RADIL: variants seen among roughly 807,000 people sequenced by gnomAD.
RADIL encodes Rap associating with DIL domain.
A neutral mutation model predicts 97.6 loss-of-function variants in RADIL; 99 were observed. The observed-to-expected ratio is 1.01, with a 90% CI of 0.86 to 1.20. The LOEUF is 1.20. Ranked by LOEUF, RADIL falls within the 50% of genes most tolerant of loss-of-function variation. The probability of loss-of-function intolerance (pLI) is 0.00; values close to 1 mark genes in which losing one functional copy is unlikely to be tolerated. For missense variants in RADIL, 1,765 were observed against 1,498.9 expected, an observed-to-expected ratio of 1.18 and a Z score of -2.93; for synonymous variants, 803 against 691.8, an observed-to-expected ratio of 1.16 and a Z score of -2.52.
chr7:4,843,610 C>T (rs1783498919), intron 2 of RADIL, among the ~76,000 whole-genome samples: 1 of 152,140 alleles, frequency 6.6e-6, no homozygotes, highest in African/African-American at 2.4e-5. Flanking sequence ...ATTTTATTCT[C>T]ATTATAGAAA....
chr7:4,852,396 A>G (rs7341401), intron 2 of RADIL, among the ~76,000 whole-genome samples: 4,689 of 152,222 alleles, frequency 0.031, 275 homozygotes, highest in African/African-American at 0.11. Context: ...AGAGTTCAAA[A>G]ATGCTTTGGG....
In RADIL at chr7:4,824,649, G is replaced by A. The variant is rs148224480; in HGVS notation, c.1455-2095C>T. ...ACCCGGGGAGGGAAGAAACTGGACT[G>A]AGACCATCTCTCCTGTTTTTGGCGG... On this transcript the variant is annotated intron_variant, in intron 5 of 14. Transcript: ENST00000399583. The surrounding 1 kb of genome is among the most constrained non-coding windows in gnomAD (Gnocchi z 6.7). Among the ~76,000 whole-genome samples, 2 of 152,366 alleles carry A rather than the reference G, an allele frequency of 1.3e-5. No homozygotes were observed. Among genetic ancestry groups the A allele is most frequent in the Non-Finnish European group, 2.9e-5 (2 of 68,040 alleles).
In RADIL at chr7:4,834,957, T is replaced by G. The variant is rs760967273; in HGVS notation, c.1066A>C (p.Lys356Gln). 9.3e-6 allele frequency: 15 copies of G among 1,607,528 alleles called. No homozygotes were observed. In the Admixed American group the frequency reaches 1.2e-4, roughly 13 times the overall value. Reference sequence around the variant, plus strand: ...AGGGGCTGGGCCTGCGCGGGGTCCTTGAATAGCAGCAGGTAGTAGAGCCCC... The same window carrying G: ...AGGGGCTGGGCCTGCGCGGGGTCCTGGAATAGCAGCAGGTAGTAGAGCCCC... The part of the protein sequence containing the change: ...SLGLYYLLLF[K>Q]DPAQAQPLPA... Residue 356 changes from lysine to glutamine, a missense_variant, in exon 4 of 15, where the codon AAG (lysine) becomes CAG (glutamine). Transcript: ENST00000399583. This position sits in a 1 kb window ranked among gnomAD's most constrained non-coding sequence, Gnocchi z 6.0.
Position 4,880,756 on chromosome 7 carries a change from G to C in RADIL, c.-64-2553C>G, listed in dbSNP as rs954041344. Among the ~76,000 whole-genome samples the C allele has an allele frequency of 1.3e-5, 2 of 152,220 alleles. No individual in the cohort carries two copies. The highest frequency in any genetic ancestry group is 4.8e-5 in the African/African-American group (2 of 41,458). On this transcript the variant is annotated intron_variant, in intron 1 of 14. Coordinates refer to ENST00000399583, the MANE Select transcript of RADIL (RefSeq NM_018059.5). The surrounding 1 kb of genome is among the most constrained non-coding windows in gnomAD (Gnocchi z 4.5). ...ACCTCTGCCTCCGGAGATGAAGTCT[G>C]AATGCTGATATAAATACGATACCAA...
chr7:4,835,009 C>G lies in RADIL; in HGVS notation c.1014G>C (p.Val338=). 6.2e-7 allele frequency: 1 copy of G among 1,611,490 alleles called. No individual in the cohort carries two copies. The highest frequency in any genetic ancestry group is 8.5e-7 in the Non-Finnish European group (1 of 1,179,328). The stretch of plus-strand genomic sequence containing the variant: ...GGGAGAGCAGGTCCCCGTGGTGCAG[C>G]ACCACGGTCCTGTGCCCCACCTCGG... ...NFSEVGHRTV[V]LHHGDLLSLG... Residue 338 remains valine (V), a synonymous_variant, in exon 4 of 15, where the codon GTG becomes GTC. Transcript: ENST00000399583. This position sits in a 1 kb window ranked among gnomAD's most constrained non-coding sequence, Gnocchi z 5.8.
chr7:4,877,701 A>C lies in RADIL; in HGVS notation c.439T>G (p.Trp147Gly). 1 of 1,614,070 alleles carries C rather than the reference A, an allele frequency of 6.2e-7. No homozygotes were observed. The highest frequency in any genetic ancestry group is 8.5e-7 in the Non-Finnish European group (1 of 1,179,998). Residue 147 changes from tryptophan to glycine, a missense_variant, in exon 2 of 15, where the codon TGG becomes GGG. Coordinates refer to ENST00000399583, the MANE Select transcript of RADIL (RefSeq NM_018059.5). ...CGGGATAAACCTTCTCGGGGTTTCC[A>C]TAATTCCTGGATCAAGAGGGGCTTC... is the stretch of plus-strand genomic sequence containing the variant. Reference protein sequence around the residue: ...SEKPLLIQELWKPREGLSRRF... With the variant: ...SEKPLLIQELGKPREGLSRRF...
chr7:4,868,236 A>G (rs1439092045), intron 2 of RADIL, among the ~76,000 whole-genome samples: 3 of 152,058 alleles, frequency 2.0e-5, no homozygotes, highest in Non-Finnish European at 4.4e-5. Context: ...CTAATTTTCT[A>G]TATTTTTAGT....
At chr7:4,802,514 A>C (rs117662821) in intron 11 of RADIL, among the ~76,000 whole-genome samples, 7,582 of 79,640 alleles carry the variant, frequency 0.095, 590 homozygotes, top group South Asian at 0.22. Flanking sequence ...GGCATGCTGG[A>C]TGGACCCCCT....
chr7:4,857,959 G>A (rs1408649610), intron 2 of RADIL: 2 of 152,584 alleles, frequency 1.3e-5, no homozygotes, highest in Middle Eastern at 3.2e-3. Flanking sequence ...TACAGGTAAT[G>A]TTTAATAAAC....
intron 14 of RADIL, 43 bp from the exon 15 acceptor site, chr7:4,799,526 G>C: frequency 6.2e-7 from 1 of 1,612,746 alleles, no homozygotes; most frequent in Non-Finnish European, 8.5e-7. Context: ...GAGGGCACCA[G>C]GGGAGACCCA....
intron 2 of RADIL, among the ~76,000 whole-genome samples, chr7:4,864,916 C>T (rs1378481069): frequency 6.6e-6 from 1 of 152,206 alleles, no homozygotes; most frequent in African/African-American, 2.4e-5. Context: ...CCATTATACA[C>T]AGTGTAAAAT....
At chr7:4,827,907 C>CA (rs1440929799) in intron 5 of RADIL, among the ~76,000 whole-genome samples, 4 of 147,500 alleles carry the variant, frequency 2.7e-5, no homozygotes, top group African/African-American at 1.0e-4. Context: ...AACAAACAAA[C>CA]AAACAAACAA....
Position 4,801,911 on chromosome 7 carries a change from C to G in RADIL, c.2584G>C (p.Glu862Gln). 6.4e-7 allele frequency: 1 copy of G among 1,568,570 alleles called. No individual in the cohort carries two copies. Among genetic ancestry groups the G allele is most frequent in the Non-Finnish European group, 8.6e-7 (1 of 1,158,744 alleles). ...APRDPGPAAR[E>Q]VAPERTLPLR... is the part of the protein sequence containing the mutation. ...GGAAGAGTACGCTCCGGGGCCACTT[C>G]CCGGGCTGCTGGGCCAGGGTCCCTG... is the stretch of plus-strand genomic sequence containing the variant. Residue 862 changes from glutamate to glutamine, a missense_variant, in exon 12 of 15, where the codon GAA (glutamate) becomes CAA (glutamine). Transcript: ENST00000399583.
In RADIL at chr7:4,800,443, G is replaced by A. The variant is rs1055317949; in HGVS notation, c.2843-133C>T. 12 of 1,007,170 alleles carry A rather than the reference G, an allele frequency of 1.2e-5. No homozygotes were observed. In the African/African-American group the frequency reaches 2.1e-4, roughly 17 times the overall value. 62.4% of individuals were successfully genotyped at this position (1,007,170 alleles called of 1,614,324 possible). A position where few individuals can be genotyped will look rare whatever the true frequency, so the allele number is the denominator to read the frequency against. On this transcript the variant is annotated intron_variant, in intron 12 of 14. Coordinates refer to ENST00000399583, the MANE Select transcript of RADIL (RefSeq NM_018059.5). ...CCTCCTGTGGCTCCCAGGAGACGCT[G>A]TTCAGGCAGAATGTGACCGGCAACC...
rs1338000113 is a variant in RADIL at position 4,834,499 on chromosome 7, C to G, written c.1416+108G>C. The G allele has an allele frequency of 5.0e-6, 6 of 1,192,318 alleles. No homozygotes were observed. The African/African-American group carries it at 7.9e-5, about 16-fold the overall frequency. The allele number at this position is 1,192,318 out of a possible 1,614,324, so 73.9% of individuals were successfully genotyped here. On this transcript the variant is annotated intron_variant, in intron 4 of 14. Coordinates refer to ENST00000399583, the MANE Select transcript of RADIL (RefSeq NM_018059.5). This position sits in a 1 kb window ranked among gnomAD's most constrained non-coding sequence, Gnocchi z 6.0. ...CGCCCTGCGCTCAGCAGCACAGCAC[C>G]GTGGGGGTCAGATAGAGGCGCTCCC...
intron 2 of RADIL, chr7:4,861,853 G>GACCTTCACGTCCCCCACCACCGCT: frequency 3.7e-6 from 5 of 1,336,894 alleles, no homozygotes; most frequent in Non-Finnish European, 4.9e-6. Context: ...CCACCACCGC[G>GACCTTCACGTCCCCCACCACCGCT]ACCTTCGCGG....
At chr7:4,861,459 A>G (rs753887169) in intron 2 of RADIL, 2 of 1,614,040 alleles carry the variant, frequency 1.2e-6, no homozygotes, top group Non-Finnish European at 1.7e-6. Context: ...GCAACGCACA[A>G]GGCGTCAATA....
In RADIL at chr7:4,818,134, C is replaced by T. The variant is rs1307657854; in HGVS notation, c.1616-783G>A. 6.6e-6 allele frequency among the ~76,000 whole-genome samples: 1 copy of T among 152,156 alleles called. No individual in the cohort carries two copies. Among genetic ancestry groups the T allele is most frequent in the Non-Finnish European group, 1.5e-5 (1 of 68,024 alleles). On this transcript the variant is annotated intron_variant, in intron 6 of 14. Coordinates refer to ENST00000399583, the MANE Select transcript of RADIL (RefSeq NM_018059.5). This position sits in a 1 kb window ranked among gnomAD's most constrained non-coding sequence, Gnocchi z 7.1. ...TCAGCCGCGTGGGCGGCCACAGCTC[C>T]CCTCCTCTCCCTCCTGTGGGGCCTT... is the stretch of plus-strand genomic sequence containing the variant.
At chr7:4,825,135 G>T (rs577956356) in intron 5 of RADIL, among the ~76,000 whole-genome samples, 5 of 152,172 alleles carry the variant, frequency 3.3e-5, no homozygotes, top group Admixed American at 1.3e-4. Flanking sequence ...AGGGCACTCG[G>T]GGGGGGACAG....
Sources: gnomAD v4.1 joint callset for allele counts (sites outside exome capture counted in the v4.1 genomes callset) on GRCh38, gnomAD v4.1.1 for gene constraint, Gnocchi (gnomAD v3.1) non-coding constraint, MANE v1.5 for transcripts, NCBI Gene and HGNC (gene_info 2026-07-23, HGNC 2026-07-21) for gene names.